The following GMDS variants were observed in gnomAD, a reference collection of about 807,000 sequenced individuals.
GMDS encodes GDP-mannose 4,6 dehydratase.
In GMDS, 20 loss-of-function variants were observed where a neutral mutation model predicts 49.9. That is an observed-to-expected ratio of 0.40 (90% CI 0.28 to 0.58). The LOEUF is 0.58. Ranked by LOEUF, GMDS falls within the 20% of genes least tolerant of loss-of-function variation. The pLI, the probability that GMDS is intolerant of heterozygous loss-of-function variation, is 0.42. For synonymous variants in GMDS, 177 were observed against 178.6 expected (o/e 0.99, Z 0.07); for missense variants, 362 against 481.4 (o/e 0.75, Z 2.32).
intron 9 of GMDS, among the ~76,000 whole-genome samples, chr6:1,696,486 A>G (rs532798633): frequency 4.8e-4 from 73 of 152,302 alleles, no homozygotes; most frequent in African/African-American, 1.7e-3. Flanking sequence ...CCTCGAGTTG[A>G]TGTGCCAAAC....
intron 7 of GMDS, among the ~76,000 whole-genome samples, chr6:1,917,210 C>T (rs1761450177): frequency 6.6e-6 from 1 of 151,750 alleles, no homozygotes; most frequent in South Asian, 2.1e-4. Flanking sequence ...CTTGAAGTCA[C>T]TAAAAAAAAA....
At chr6:1,871,152 G>A (rs2113803122) in intron 7 of GMDS, among the ~76,000 whole-genome samples, 1 of 152,126 alleles carries the variant, frequency 6.6e-6, no homozygotes, top group Middle Eastern at 3.4e-3. Flanking sequence ...AGGGTTAAAA[G>A]GGGCTGGCCA....
chr6:2,198,308 G>C (rs1779362641), intron 1 of GMDS, among the ~76,000 whole-genome samples: 1 of 152,186 alleles, frequency 6.6e-6, no homozygotes. Flanking sequence ...GGGGCTGCCT[G>C]TCAACAGGCA....
intron 9 of GMDS, among the ~76,000 whole-genome samples, chr6:1,631,269 T>C (rs952700759): frequency 1.3e-5 from 2 of 152,116 alleles, no homozygotes; most frequent in Non-Finnish European, 2.9e-5. Context: ...TTTGTATCTG[T>C]TGCAGGTGGC....
At chr6:1,687,269 C>T (rs1029575784) in intron 9 of GMDS, among the ~76,000 whole-genome samples, 11 of 152,198 alleles carry the variant, frequency 7.2e-5, no homozygotes, top group Non-Finnish European at 1.5e-4. Context: ...TCAGGAAGGA[C>T]GTGAACAGCA....
chr6:1,815,972 C>A (rs1464634926), intron 7 of GMDS, among the ~76,000 whole-genome samples: 1 of 152,218 alleles, frequency 6.6e-6, no homozygotes, highest in African/African-American at 2.4e-5. Context: ...ATCCATGACA[C>A]CAAATCCATT....
At chr6:1,753,542 TAGAC>T (rs1581141336) in intron 7 of GMDS, among the ~76,000 whole-genome samples, 1 of 152,198 alleles carries the variant, frequency 6.6e-6, no homozygotes, top group Non-Finnish European at 1.5e-5. Flanking sequence ...GCGGATCTAA[TAGAC>T]AGCTACAGAA....
At chr6:1,793,740 C>G (rs1769633465) in intron 7 of GMDS, among the ~76,000 whole-genome samples, 1 of 152,174 alleles carries the variant, frequency 6.6e-6, no homozygotes, top group South Asian at 2.1e-4. Context: ...ACCTGGAATT[C>G]TGGGTTTCTC....
chr6:2,137,918 T>A (rs1227815482), intron 1 of GMDS, among the ~76,000 whole-genome samples: 2 of 152,244 alleles, frequency 1.3e-5, no homozygotes, highest in Admixed American at 1.3e-4. Context: ...AACTACTGTA[T>A]TGTACTCTGT....
At chr6:2,094,810 A>G (rs1221534112) in intron 4 of GMDS, among the ~76,000 whole-genome samples, 2 of 152,174 alleles carry the variant, frequency 1.3e-5, no homozygotes, top group Non-Finnish European at 2.9e-5. Flanking sequence ...TAACTCTTAC[A>G]TGTGGTCAGG....
intron 7 of GMDS, among the ~76,000 whole-genome samples, chr6:1,880,597 T>G (rs1759315586): frequency 6.6e-6 from 1 of 152,222 alleles, no homozygotes; most frequent in Admixed American, 6.5e-5. Flanking sequence ...CTAGCCATTG[T>G]GGTTAACATC....
chr6:2,205,777 G>GT (rs1389796018), intron 1 of GMDS, among the ~76,000 whole-genome samples: 75 of 152,066 alleles, frequency 4.9e-4, no homozygotes, highest in Non-Finnish European at 9.9e-4. Context: ...GTGTGTGTGT[G>GT]GGGGGGGAGG....
intron 7 of GMDS, among the ~76,000 whole-genome samples, chr6:1,894,299 T>C (rs774471994): frequency 6.6e-6 from 1 of 152,196 alleles, no homozygotes; most frequent in East Asian, 1.9e-4. Flanking sequence ...GGAAGAATGA[T>C]GGTGTAGTTA....
At chr6:1,846,604 G>A (rs1258310738) in intron 7 of GMDS, among the ~76,000 whole-genome samples, 4 of 152,218 alleles carry the variant, frequency 2.6e-5, no homozygotes, top group Non-Finnish European at 4.4e-5. Context: ...GGAAAGAGAA[G>A]CTATGCTCTA....
chr6:1,939,524 CACATATATATACACATATAT>C (rs1301503055), intron 6 of GMDS, among the ~76,000 whole-genome samples: 2 of 151,114 alleles, frequency 1.3e-5, no homozygotes, highest in African/African-American at 2.4e-5. Flanking sequence ...TATATACACA[CACATATATATACACATATAT>C]ACATATATAT....
intron 4 of GMDS, among the ~76,000 whole-genome samples, chr6:1,983,401 C>T (rs1765337252): frequency 1.3e-5 from 2 of 152,130 alleles, no homozygotes; most frequent in African/African-American, 4.8e-5. Context: ...AACAGAAGAG[C>T]TTCTGTACAG....
At chr6:2,131,455 C>T (rs1283664595) in intron 1 of GMDS, among the ~76,000 whole-genome samples, 1 of 152,110 alleles carries the variant, frequency 6.6e-6, no homozygotes, top group Admixed American at 6.6e-5. Context: ...AACCAGTCCC[C>T]AACTTACGAT....
At chr6:2,206,064 G>A (rs1308864531) in intron 1 of GMDS, among the ~76,000 whole-genome samples, 1 of 152,142 alleles carries the variant, frequency 6.6e-6, no homozygotes, top group African/African-American at 2.4e-5. Context: ...TTCGAGACCA[G>A]CCTGACCAAC....
chr6:2,213,106 C>T (rs1156743587), intron 1 of GMDS, among the ~76,000 whole-genome samples: 1 of 152,172 alleles, frequency 6.6e-6, no homozygotes, highest in African/African-American at 2.4e-5. Flanking sequence ...CGTGGGCTCT[C>T]ACTGCTGATC....
Sources: gnomAD v4.1 joint callset for allele counts (sites outside exome capture counted in the v4.1 genomes callset) on GRCh38, gnomAD v4.1.1 for gene constraint, MANE v1.5 for transcripts, NCBI Gene and HGNC (gene_info 2026-07-23, HGNC 2026-07-21) for gene names.